The following FGGY variants were observed in gnomAD, a reference collection of about 807,000 sequenced individuals.
FGGY encodes the protein FGGY carbohydrate kinase domain-containing protein.
A neutral mutation model predicts 71.3 loss-of-function variants in FGGY; 72 were observed. The observed-to-expected ratio is 1.01, with a 90% confidence interval of 0.84 to 1.23. FGGY has a LOEUF of 1.23. Ranked by LOEUF, FGGY falls within the 50% of genes most tolerant of loss-of-function variation. The pLI is 0.00. For missense variants in FGGY, 668 were observed against 682.3 expected (o/e 0.98, Z 0.23); for synonymous variants, 251 against 250.3 (o/e 1.00, Z -0.02).
chr1:59,431,441 GC>G (rs1247020474), intron 5 of FGGY, among the ~76,000 whole-genome samples: 25 of 152,222 alleles, frequency 1.6e-4, no homozygotes, highest in African/African-American at 6.0e-4. Context: ...TGCTAGTAAT[GC>G]CCTTTCTTAA....
chr1:59,641,804 A>C (rs908228093), intron 11 of FGGY, among the ~76,000 whole-genome samples: 3 of 152,218 alleles, frequency 2.0e-5, no homozygotes, highest in Admixed American at 1.3e-4. Context: ...CATATATGAC[A>C]TAAGAACAAA....
chr1:59,331,225 G>T (rs1056591889), intron 2 of FGGY, among the ~76,000 whole-genome samples: 1 of 152,076 alleles, frequency 6.6e-6, no homozygotes, highest in Non-Finnish European at 1.5e-5. Flanking sequence ...CAGAATGTTG[G>T]GGTCACTGAT....
intron 7 of FGGY, among the ~76,000 whole-genome samples, chr1:59,519,647 A>G (rs1387130058): frequency 3.3e-5 from 5 of 152,142 alleles, no homozygotes; most frequent in Admixed American, 1.3e-4. Flanking sequence ...AACAAATACA[A>G]CCACCACTCT....
In FGGY at chr1:59,634,299, C is replaced by T. The variant is rs149659029; in HGVS notation, c.1074-3929C>T. 6.6e-5 allele frequency among the ~76,000 whole-genome samples: 10 copies of T among 152,118 alleles called. No homozygotes were observed. The East Asian group carries it at 9.7e-4, about 15-fold the overall frequency. ...GCACACGCCTGTAGTCCCAGCTACT[C>T]GGGAGGCTGAGGCAGGAGAATCACT... On this transcript the variant is annotated intron_variant, in intron 10 of 15. Coordinates refer to ENST00000303721, the MANE Select transcript of FGGY (RefSeq NM_018291.5).
In FGGY at chr1:59,332,919, T is replaced by C. The variant is rs962472242; in HGVS notation, c.202-7039T>C. 5.9e-5 allele frequency among the ~76,000 whole-genome samples: 9 copies of C among 152,310 alleles called. No homozygotes were observed. In the East Asian group the frequency reaches 1.5e-3, roughly 26 times the overall value. ...AACATTCCATGAACACAATAAGGCA[T>C]TGAGTGCATTTCCTATCCTATTTTC... On this transcript the variant is annotated intron_variant, in intron 2 of 15. Transcript: ENST00000303721.
rs762497381 is a variant in FGGY, at chr1:59,607,854, G to GC, written c.957dup (p.Met320HisfsTer9). The GC allele has an allele frequency of 8.1e-6, 13 of 1,614,008 alleles. No individual in the cohort carries two copies. The highest frequency in any genetic ancestry group is 1.0e-5 in the Non-Finnish European group (12 of 1,179,994). On this transcript the variant is annotated frameshift_variant, in exon 9 of 16. Coordinates refer to ENST00000303721, the MANE Select transcript of FGGY (RefSeq NM_018291.5). LOFTEE classifies it high-confidence loss of function. ...AGGCGTCTGGGGGCCTTATTTCTCA[G>GC]CCATGGTACCTGGGTTCTGGCTGAA...
chr1:59,346,623 C>G (rs911017403), intron 4 of FGGY, among the ~76,000 whole-genome samples: 1 of 152,120 alleles, frequency 6.6e-6, no homozygotes, highest in African/African-American at 2.4e-5. Context: ...TACACATTAT[C>G]TCTTTGAAGG....
intron 11 of FGGY, among the ~76,000 whole-genome samples, chr1:59,655,335 T>C (rs1249102557): frequency 1.3e-5 from 2 of 152,328 alleles, no homozygotes; most frequent in East Asian, 1.9e-4. Context: ...TAGGTATACA[T>C]GTGCCATGGT....
At chr1:59,398,147 T>C (rs1325575974) in intron 5 of FGGY, among the ~76,000 whole-genome samples, 1 of 152,200 alleles carries the variant, frequency 6.6e-6, no homozygotes, top group Non-Finnish European at 1.5e-5. Flanking sequence ...GTCCTTTTAT[T>C]ATAGGTTGCA....
chr1:59,402,683 C>T (rs929557397), intron 5 of FGGY, among the ~76,000 whole-genome samples: 1 of 152,114 alleles, frequency 6.6e-6, no homozygotes, highest in Non-Finnish European at 1.5e-5. Context: ...GATTTCCAGG[C>T]ATTAGGGACA....
At chr1:59,396,524 GAT>G (rs2061344918) in intron 5 of FGGY, among the ~76,000 whole-genome samples, 1 of 152,232 alleles carries the variant, frequency 6.6e-6, no homozygotes, top group East Asian at 1.9e-4. Flanking sequence ...GAGGTGCAGG[GAT>G]AACAGAGAAA....
At chr1:59,683,701 C>A (rs1202452139) in intron 14 of FGGY, among the ~76,000 whole-genome samples, 6 of 151,994 alleles carry the variant, frequency 3.9e-5, no homozygotes, top group Non-Finnish European at 8.8e-5. Context: ...ATTGGCTGGG[C>A]AAAACAAGAG....
intron 7 of FGGY, among the ~76,000 whole-genome samples, chr1:59,530,540 T>C (rs752420860): frequency 3.3e-5 from 5 of 152,202 alleles, no homozygotes; most frequent in Non-Finnish European, 7.3e-5. Context: ...TACAGGAGTC[T>C]AACCTCACTT....
chr1:59,324,203 C>T (rs949829693), intron 2 of FGGY, among the ~76,000 whole-genome samples: 2 of 151,036 alleles, frequency 1.3e-5, no homozygotes, highest in African/African-American at 4.9e-5. Flanking sequence ...CTTGGGCACA[C>T]TGGTCCAGGT....
At chr1:59,409,246 T>G (rs2063219404) in intron 5 of FGGY, among the ~76,000 whole-genome samples, 2 of 152,194 alleles carry the variant, frequency 1.3e-5, no homozygotes, top group African/African-American at 4.8e-5. Context: ...GAAGTTGTGC[T>G]GCAGCTTGGA....
intron 4 of FGGY, among the ~76,000 whole-genome samples, chr1:59,356,045 C>A (rs2054250637): frequency 1.3e-5 from 2 of 152,146 alleles, no homozygotes; most frequent in South Asian, 4.1e-4. Flanking sequence ...ACAGGGTCCA[C>A]ACTTCCATGC....
intron 5 of FGGY, among the ~76,000 whole-genome samples, chr1:59,398,661 T>G (rs1438602771): frequency 6.6e-6 from 1 of 152,186 alleles, no homozygotes; most frequent in Admixed American, 6.5e-5. Flanking sequence ...CATATCCAGT[T>G]TTGGGGACCA....
intron 7 of FGGY, among the ~76,000 whole-genome samples, chr1:59,524,131 C>T (rs1490001635): frequency 6.6e-6 from 1 of 152,246 alleles, no homozygotes; most frequent in Non-Finnish European, 1.5e-5. Flanking sequence ...ATTGCTGGTG[C>T]CTGCTCTGGA....
intron 6 of FGGY, among the ~76,000 whole-genome samples, chr1:59,494,563 C>T (rs2093974963): frequency 6.6e-6 from 1 of 152,252 alleles, no homozygotes; most frequent in African/African-American, 2.4e-5. Context: ...CCTAGGTATA[C>T]AGAAAGCCAC....
Sources: allele counts gnomAD v4.1 joint callset (sites outside exome capture counted in the v4.1 genomes callset), GRCh38; gene constraint gnomAD v4.1.1; transcripts MANE v1.5; gene names NCBI Gene and HGNC (gene_info 2026-07-23, HGNC 2026-07-21).